PLA2G4D: variants seen among roughly 807,000 people sequenced by gnomAD.
PLA2G4D encodes the protein phospholipase A2 group IVD.
A neutral mutation model predicts 94.4 loss-of-function variants in PLA2G4D; 80 were observed. The observed-to-expected ratio is 0.85, with a 90% confidence interval of 0.71 to 1.02. The LOEUF is 1.02. PLA2G4D is among the 50% of genes least tolerant of loss of function. The pLI is 0.00. For synonymous variants in PLA2G4D, 438 were observed against 440.9 expected (o/e 0.99, Z 0.08); for missense variants, 1,050 against 1,034.7 (o/e 1.01, Z -0.20).
Position 42,072,389 on chromosome 15 carries a change from T to C in PLA2G4D, c.1321A>G (p.Met441Val). The C allele has an allele frequency of 6.2e-7, 1 of 1,612,344 alleles. No homozygotes were observed. Among genetic ancestry groups the C allele is most frequent in the Non-Finnish European group, 8.5e-7 (1 of 1,179,680 alleles). ...VLESMLHGQV[M>V]DQKLSGQRAA... is the part of the protein sequence containing the mutation. ...CTCTGTCCTGACAGCTTCTGATCCA[T>C]CACCTGGGGCCAGAGGGCATCAGGG... is the stretch of plus-strand genomic sequence containing the variant. Residue 441 changes from methionine (M) to valine (V), a missense_variant, in exon 14 of 20, where the codon ATG becomes GTG. Transcript: ENST00000290472.
chr15:42,089,098 C>A (rs1890206906), intron 1 of PLA2G4D, among the ~76,000 whole-genome samples: 1 of 152,238 alleles, frequency 6.6e-6, no homozygotes, highest in Admixed American at 6.5e-5. Flanking sequence ...TCCTCCCCGA[C>A]CCTGAGGGAG....
Position 42,068,393 on chromosome 15 carries a change from C to T in PLA2G4D, c.*322G>A. 3.0e-6 allele frequency: 1 copy of T among 329,148 alleles called. No individual in the cohort carries two copies. The highest frequency in any genetic ancestry group is 5.8e-6 in the Non-Finnish European group (1 of 173,556). 20.4% of individuals were successfully genotyped at this position (329,148 alleles called of 1,614,324 possible). A position where few individuals can be genotyped will look rare whatever the true frequency, so the allele number is the denominator to read the frequency against. ...GCATCCCCTGTCCTTCCTGTCCCTA[C>T]TCCTGATCTGCTGCCTCCGGCTTGC... On this transcript the variant is annotated 3_prime_UTR_variant, in exon 20 of 20. Coordinates refer to ENST00000290472, the MANE Select transcript of PLA2G4D (RefSeq NM_178034.4).
intron 8 of PLA2G4D, among the ~76,000 whole-genome samples, chr15:42,082,788 G>C (rs112303048): frequency 0.019 from 2,879 of 152,212 alleles, 67 homozygotes; most frequent in African/African-American, 0.054. Flanking sequence ...GGCAGCCTTG[G>C]AGGAAGCCAG....
At position 42,086,194 on chromosome 15, in the gene PLA2G4D, T is replaced by TTGGGGGGGGGGGGGGGGC; in HGVS notation, c.387+18_387+19insGCCCCCCCCCCCCCCCCA. On this transcript the variant is annotated intron_variant, in intron 4 of 19. Transcript: ENST00000290472. Reference sequence around the variant, plus strand: ...GGAAGAAGTGGGGCCCACGGGGACTTCCCCACCCACCCACCCACCTGGGGA... The same window carrying TTGGGGGGGGGGGGGGGGC: ...GGAAGAAGTGGGGCCCACGGGGACTTTGGGGGGGGGGGGGGGGCCCCCACCCACCCACCCACCTGGGGA... 22 of 1,370,432 alleles carry TTGGGGGGGGGGGGGGGGC rather than the reference T, an allele frequency of 1.6e-5. No individual in the cohort carries two copies. The highest frequency in any genetic ancestry group is 2.9e-5 in the Admixed American group (1 of 34,018). The allele number at this position is 1,370,432 out of a possible 1,614,324, so 84.9% of individuals were successfully genotyped here.
Position 42,086,283 on chromosome 15 carries a change from T to G in PLA2G4D, c.317A>C (p.Lys106Thr). The change falls in exon 4 of 20, where the codon AAG (lysine) becomes ACG (threonine). Residue 106 changes from lysine to threonine, a missense_variant. Coordinates refer to ENST00000290472, the MANE Select transcript of PLA2G4D (RefSeq NM_178034.4). ...DSVTEDDICF[K>T]VLYDISEVLP... ...GACTTCTGAGATGTCATAGAGAACC[T>G]TGAAGCAGATGTCATCCTCCGTGAC... 6.4e-7 allele frequency: 1 copy of G among 1,551,228 alleles called. No homozygotes were observed. The highest frequency in any genetic ancestry group is 8.7e-7 in the Non-Finnish European group (1 of 1,148,344).
rs1464239125 is a variant in PLA2G4D at position 42,079,741 on chromosome 15, G to A, written c.1113C>T (p.Tyr371=). 11 of 1,601,606 alleles carry A rather than the reference G, an allele frequency of 6.9e-6. No homozygotes were observed. The East Asian group carries it at 1.6e-4, about 23-fold the overall frequency. ...CCCTCTGCGACCACTCAGGGTCCCCGTACAGGTGGGCCATTGTCCTGGAAG... is the reference window on the plus strand; with the variant it reads ...CCCTCTGCGACCACTCAGGGTCCCCATACAGGTGGGCCATTGTCCTGGAAG... The part of the protein sequence containing the change: ...SGSTWTMAHL[Y]GDPEWSQRDL... The change falls in exon 13 of 20, where the codon TAC becomes TAT. Residue 371 remains tyrosine (Y), a synonymous_variant. Coordinates refer to ENST00000290472, the MANE Select transcript of PLA2G4D (RefSeq NM_178034.4).
intron 8 of PLA2G4D, among the ~76,000 whole-genome samples, chr15:42,082,862 C>T (rs901728569): frequency 6.6e-6 from 1 of 152,042 alleles, no homozygotes; most frequent in Non-Finnish European, 1.5e-5. Context: ...GCTGAGGCAT[C>T]GTGCATGGGG....
At chr15:42,085,206 G>A in intron 5 of PLA2G4D, 68 bp from the exon 6 acceptor site, 1 of 1,569,952 alleles carries the variant, frequency 6.4e-7, no homozygotes, top group African/African-American at 1.3e-5. Flanking sequence ...CCCATGTGGG[G>A]TCTCCCTGGG....
At chr15:42,076,782 G>C (rs1889936772) in intron 13 of PLA2G4D, among the ~76,000 whole-genome samples, 1 of 152,218 alleles carries the variant, frequency 6.6e-6, no homozygotes, top group Non-Finnish European at 1.5e-5. Context: ...CTCCTTTGGA[G>C]AATGGTTTGG....
chr15:42,093,121 G>T (rs1373871002), intron 1 of PLA2G4D, among the ~76,000 whole-genome samples: 1 of 152,166 alleles, frequency 6.6e-6, no homozygotes, highest in Non-Finnish European at 1.5e-5. Flanking sequence ...TCTGGGGCAG[G>T]TTCCAGGCCC....
chr15:42,075,153 A>G (rs984972131), intron 13 of PLA2G4D, among the ~76,000 whole-genome samples: 1 of 152,236 alleles, frequency 6.6e-6, no homozygotes, highest in East Asian at 1.9e-4. Context: ...TTAAGAATAT[A>G]TAGGTGTCTA....
At chr15:42,071,406 C>T (rs747530266) in intron 16 of PLA2G4D, 38 bp downstream of exon 16, 2 of 1,583,408 alleles carry the variant, frequency 1.3e-6, no homozygotes, top group East Asian at 2.2e-5. Context: ...AAAGGAACAG[C>T]GTCATCCCAG....
At chr15:42,080,674 A>G (rs7180420) in intron 12 of PLA2G4D, among the ~76,000 whole-genome samples, 18,757 of 152,258 alleles carry the variant, frequency 0.12, 1,341 homozygotes, top group Middle Eastern at 0.18. Flanking sequence ...TTGGAGCTGC[A>G]TCAACTGAGA....
intron 11 of PLA2G4D, 50 bp from the exon 12 acceptor site, chr15:42,081,183 C>T (rs772403032): frequency 6.3e-7 from 1 of 1,593,376 alleles, no homozygotes; most frequent in Non-Finnish European, 8.6e-7. Flanking sequence ...GGCCAGCTGC[C>T]TCCTGTCTCA....
In PLA2G4D at chr15:42,072,392, C is replaced by G; in HGVS notation, c.1318G>C (p.Val440Leu). ...TGTCCTGACAGCTTCTGATCCATCA[C>G]CTGGGGCCAGAGGGCATCAGGGCCT... is the stretch of plus-strand genomic sequence containing the variant. ...LVLESMLHGQ[V>L]MDQKLSGQRA... Residue 440 changes from valine (V) to leucine (L), a missense_variant and splice_region_variant, in exon 14 of 20, where the codon GTG (valine) becomes CTG (leucine). Val to Leu is a conservative substitution (Grantham distance 32, BLOSUM62 1). Coordinates refer to ENST00000290472, the MANE Select transcript of PLA2G4D (RefSeq NM_178034.4). 4 of 1,612,202 alleles carry G rather than the reference C, an allele frequency of 2.5e-6. No homozygotes were observed. The highest frequency in any genetic ancestry group is 1.3e-5 in the African/African-American group (1 of 74,998).
chr15:42,086,402 C>T, intron 3 of PLA2G4D, 58 bp from the exon 4 acceptor site: 1 of 1,565,468 alleles, frequency 6.4e-7, no homozygotes, highest in Non-Finnish European at 8.7e-7. Context: ...AGTAGCTCAC[C>T]TCTGTTGAGC....
intron 13 of PLA2G4D, among the ~76,000 whole-genome samples, chr15:42,076,855 G>A (rs1178874569): frequency 1.3e-5 from 2 of 152,244 alleles, no homozygotes; most frequent in African/African-American, 4.8e-5. Context: ...TACTGGGTAT[G>A]TATCTTGGAG....
chr15:42,078,469 C>A (rs570448692), intron 13 of PLA2G4D, among the ~76,000 whole-genome samples: 34 of 152,192 alleles, frequency 2.2e-4, no homozygotes, highest in African/African-American at 8.2e-4. Flanking sequence ...TGAAGATTTT[C>A]ATAATAAATA....
At chr15:42,083,461 C>A in intron 7 of PLA2G4D, 127 bp from the exon 8 acceptor site, 1 of 1,403,034 alleles carries the variant, frequency 7.1e-7, no homozygotes, top group Non-Finnish European at 9.6e-7. Context: ...CAACAGCATT[C>A]TGAAAAGGGC....
Sources: gnomAD v4.1 joint callset for allele counts (sites outside exome capture counted in the v4.1 genomes callset) on GRCh38, gnomAD v4.1.1 for gene constraint, MANE v1.5 for transcripts, NCBI Gene and HGNC (gene_info 2026-07-23, HGNC 2026-07-21) for gene names.